PDE8A: variants seen among roughly 807,000 people sequenced by gnomAD.
PDE8A encodes phosphodiesterase 8A, also known as high affinity cAMP-specific and IBMX-insensitive 3',5'-cyclic phosphodiesterase 8A.
Under a neutral mutation model 105.0 loss-of-function variants are expected in PDE8A, and 59 were observed. The ratio of observed to expected loss-of-function variants is 0.56; its 90% CI spans 0.46 to 0.70. The LOEUF (loss-of-function observed/expected upper bound fraction) is 0.70. Among genes scored for constraint, PDE8A ranks in the 30% least tolerant of loss-of-function variants. PDE8A has a pLI of 0.00. For synonymous variants in PDE8A, 355 were observed against 371.9 expected, an observed-to-expected ratio of 0.95 and a Z score of 0.52; for missense variants, 1,014 against 1,045.9, an observed-to-expected ratio of 0.97 and a Z score of 0.42.
intron 1 of PDE8A, among the ~76,000 whole-genome samples, chr15:85,041,512 A>C (rs1010310528): frequency 6.6e-6 from 1 of 152,198 alleles, no homozygotes; most frequent in Non-Finnish European, 1.5e-5. Flanking sequence ...CAAAATGTTT[A>C]TGCACTTATG....
rs2081984667 is a variant in PDE8A at position 85,109,052 on chromosome 15, G to A, written c.1037-1G>A. Reference sequence around the variant, plus strand: ...AGGTGATTTATCATTTGTTTCTACAGATAATCAGACAGGCAAACATAAAGA... The same window carrying A: ...AGGTGATTTATCATTTGTTTCTACAAATAATCAGACAGGCAAACATAAAGA... On this transcript the variant is annotated splice_acceptor_variant, in intron 11 of 21. Coordinates refer to ENST00000394553, the MANE Select transcript of PDE8A (RefSeq NM_002605.3). LOFTEE classifies it high-confidence loss of function. 6.3e-7 allele frequency: 1 copy of A among 1,597,298 alleles called. No individual in the cohort carries two copies. Among genetic ancestry groups the A allele is most frequent in the African/African-American group, 1.3e-5 (1 of 74,574 alleles).
chr15:85,048,533 C>G lies in PDE8A; in HGVS notation c.187-15837C>G, dbSNP rs188289453. Reference sequence around the variant, plus strand: ...TTCTCTTACGAAACTGTGCCCCATACTGTAGGACATAAGCAAAATGATTTT... The same window carrying G: ...TTCTCTTACGAAACTGTGCCCCATAGTGTAGGACATAAGCAAAATGATTTT... On this transcript the variant is annotated intron_variant, in intron 1 of 21. Transcript: ENST00000394553. 3.4e-4 allele frequency among the ~76,000 whole-genome samples: 52 copies of G among 152,314 alleles called. No individual in the cohort carries two copies. The East Asian group carries it at 9.3e-3, about 27-fold the overall frequency.
intron 1 of PDE8A, among the ~76,000 whole-genome samples, chr15:85,022,132 A>C (rs1451722577): frequency 2.6e-5 from 4 of 152,216 alleles, no homozygotes; most frequent in African/African-American, 9.7e-5. Context: ...TAGTTGCCAA[A>C]TGGTGAATTT....
At chr15:85,055,711 T>G (rs568877532) in intron 1 of PDE8A, among the ~76,000 whole-genome samples, 10 of 152,210 alleles carry the variant, frequency 6.6e-5, no homozygotes, top group African/African-American at 9.6e-5. Context: ...TGTCTCTGCA[T>G]GTGAGTTGGG....
At chr15:85,071,593 C>T (rs1451192036) in intron 3 of PDE8A, among the ~76,000 whole-genome samples, 1 of 152,220 alleles carries the variant, frequency 6.6e-6, no homozygotes, top group Non-Finnish European at 1.5e-5. Context: ...GAGCCCCGCT[C>T]TGCAGCAGAC....
chr15:85,129,060 C>G (rs1157311376), intron 20 of PDE8A, among the ~76,000 whole-genome samples: 1 of 152,206 alleles, frequency 6.6e-6, no homozygotes, highest in African/African-American at 2.4e-5. Flanking sequence ...GTATATCACA[C>G]TGATCTTCAT....
intron 1 of PDE8A, among the ~76,000 whole-genome samples, chr15:85,040,794 T>C (rs1239114588): frequency 6.6e-6 from 1 of 151,664 alleles, no homozygotes; most frequent in Non-Finnish European, 1.5e-5. Context: ...CTCCTGACCT[T>C]GTGATCCGCC....
chr15:84,983,135 T>G (rs2079747030), intron 1 of PDE8A, among the ~76,000 whole-genome samples: 1 of 152,204 alleles, frequency 6.6e-6, no homozygotes, highest in Non-Finnish European at 1.5e-5. Context: ...TGTTGAGGTT[T>G]TCTAAAGGAA....
intron 7 of PDE8A, 149 bp downstream of exon 7, chr15:85,089,565 A>G (rs2081608580): frequency 1.9e-6 from 1 of 538,250 alleles, no homozygotes; most frequent in Admixed American, 3.4e-5. Flanking sequence ...ACAAAATCAA[A>G]TATGTAATTT....
Position 85,089,421 on chromosome 15 carries a change from G to A in PDE8A, c.714+5G>A, listed in dbSNP as rs1390201164. The A allele has an allele frequency of 1.3e-6, 2 of 1,516,366 alleles. No homozygotes were observed. Among genetic ancestry groups the A allele is most frequent in the Non-Finnish European group, 1.8e-6 (2 of 1,100,834 alleles). The allele number at this position is 1,516,366 out of a possible 1,614,324, so 93.9% of individuals were successfully genotyped here. ...AGCGAAGACCGTTTTATACAGGTTTGTTATTTTGGAAATCTGTCTTTCTGG... is the reference window on the plus strand; with the variant it reads ...AGCGAAGACCGTTTTATACAGGTTTATTATTTTGGAAATCTGTCTTTCTGG... On this transcript the variant is annotated splice_donor_5th_base_variant and intron_variant, in intron 7 of 21. Coordinates refer to ENST00000394553, the MANE Select transcript of PDE8A (RefSeq NM_002605.3).
At chr15:85,005,101 T>G (rs916737510) in intron 1 of PDE8A, among the ~76,000 whole-genome samples, 10 of 152,176 alleles carry the variant, frequency 6.6e-5, no homozygotes, top group Non-Finnish European at 7.3e-5. Flanking sequence ...TAGCTGGGTA[T>G]TATCTCTATA....
chr15:85,107,414 G>A (rs917554493), intron 11 of PDE8A, among the ~76,000 whole-genome samples: 50 of 152,184 alleles, frequency 3.3e-4, no homozygotes, highest in Admixed American at 9.8e-4. Flanking sequence ...TACAACGATC[G>A]CTTGGCTGCC....
chr15:85,083,209 T>C (rs1242876523), intron 5 of PDE8A, among the ~76,000 whole-genome samples: 1 of 152,250 alleles, frequency 6.6e-6, no homozygotes, highest in Non-Finnish European at 1.5e-5. Context: ...TAAGTAGGAC[T>C]TTAGTTAATG....
chr15:85,115,642 C>G (rs1013586535), intron 15 of PDE8A, 155 bp downstream of exon 15: 2 of 562,792 alleles, frequency 3.6e-6, no homozygotes, highest in East Asian at 3.1e-5. Flanking sequence ...TACTGTCCTC[C>G]CTAAGAAACA....
chr15:85,080,749 T>C (rs2081451530), intron 5 of PDE8A, among the ~76,000 whole-genome samples: 1 of 152,128 alleles, frequency 6.6e-6, no homozygotes. Flanking sequence ...TGGAGCTAAC[T>C]TGAAAAGTAA....
intron 1 of PDE8A, among the ~76,000 whole-genome samples, chr15:85,045,548 A>C (rs1273043405): frequency 6.6e-6 from 1 of 152,222 alleles, no homozygotes; most frequent in African/African-American, 2.4e-5. Flanking sequence ...GTAAGAACTA[A>C]ATTGGACTTA....
At chr15:85,097,417 G>A (rs866811580) in intron 8 of PDE8A, among the ~76,000 whole-genome samples, 1 of 152,248 alleles carries the variant, frequency 6.6e-6, no homozygotes. Context: ...CTCGTCGTTT[G>A]TTTTACTTGA....
At chr15:85,027,376 C>G (rs555414618) in intron 1 of PDE8A, among the ~76,000 whole-genome samples, 1 of 152,186 alleles carries the variant, frequency 6.6e-6, no homozygotes. Context: ...AATAAAGAGA[C>G]AGCTACCTCG....
At chr15:85,011,861 A>G (rs2080244919) in intron 1 of PDE8A, among the ~76,000 whole-genome samples, 1 of 152,230 alleles carries the variant, frequency 6.6e-6, no homozygotes. Flanking sequence ...AAAAAAAACA[A>G]ACAACCCCAT....
Sources: allele counts gnomAD v4.1 joint callset (sites outside exome capture counted in the v4.1 genomes callset), GRCh38; gene constraint gnomAD v4.1.1; transcripts MANE v1.5; gene names NCBI Gene and HGNC (gene_info 2026-07-23, HGNC 2026-07-21).